Variants in PIK3CD observed in about 807,000 individuals in gnomAD.
PIK3CD encodes the protein phosphatidylinositol 4,5-bisphosphate 3-kinase catalytic subunit delta isoform.
PIK3CD carries 20 observed loss-of-function variants against 122.9 expected under a neutral mutation model. That is an observed-to-expected ratio of 0.16 (90% CI 0.11 to 0.24). The LOEUF (loss-of-function observed/expected upper bound fraction) is 0.24, where lower values mean the gene tolerates loss of function less well. PIK3CD is among the 10% of genes least tolerant of loss of function. The pLI is 1.00. For synonymous variants in PIK3CD, 596 were observed against 593.4 expected, an observed-to-expected ratio of 1.00 and a Z score of -0.06; for missense variants, 787 against 1,406.3, an observed-to-expected ratio of 0.56 and a Z score of 7.04.
rs1376073762 is a variant in PIK3CD, at chr1:9,716,360, G to A, written c.601-80G>A. On this transcript the variant is annotated intron_variant, in intron 5 of 23. Transcript: ENST00000377346. ...AACTCCCCAGACCCTACCCTTGGGG[G>A]CAAATAGGCAACCCTGCCCTGTGCC... 26 of 1,382,236 alleles carry A rather than the reference G, an allele frequency of 1.9e-5. 1 individual carries two copies. In the Admixed American group the frequency reaches 3.9e-4, roughly 21 times the overall value. 85.6% of individuals were successfully genotyped at this position (1,382,236 alleles called of 1,614,324 possible). A position where few individuals can be genotyped will look rare whatever the true frequency, so the allele number is the denominator to read the frequency against.
At position 9,710,386 on chromosome 1, in the gene PIK3CD, A is replaced by G; in HGVS notation, c.-32-38A>G. Reference sequence around the variant, plus strand: ...CCCTTCCAAAGGTCTCACCCAGCTCAGCTGAGGTAACTCATTTTGCCATTT... The same window carrying G: ...CCCTTCCAAAGGTCTCACCCAGCTCGGCTGAGGTAACTCATTTTGCCATTT... On this transcript the variant is annotated intron_variant, in intron 2 of 23. Coordinates refer to ENST00000377346, the MANE Select transcript of PIK3CD (RefSeq NM_005026.5). The surrounding 1 kb of genome is among the most constrained non-coding windows in gnomAD (Gnocchi z 4.7). 6.5e-7 allele frequency: 1 copy of G among 1,526,848 alleles called. No homozygotes were observed. The highest frequency in any genetic ancestry group is 9.1e-7 in the Non-Finnish European group (1 of 1,101,750). The allele number at this position is 1,526,848 out of a possible 1,614,324, so 94.6% of individuals were successfully genotyped here. A position where few individuals can be genotyped will look rare whatever the true frequency, so the allele number is the denominator to read the frequency against.
rs147609639 is a variant in PIK3CD, at chr1:9,709,184, C to T, written c.-32-1240C>T. ...AGCTGGGATTACAGGCATGTGCCAC[C>T]ATGCCCGGCTAATTTTTATATTTTT... On this transcript the variant is annotated intron_variant, in intron 2 of 23. Transcript: ENST00000377346. Among the ~76,000 whole-genome samples, 829 of 152,044 alleles carry T rather than the reference C, an allele frequency of 5.5e-3. 12 individuals are homozygous for T. The highest frequency in any genetic ancestry group is 0.019 in the African/African-American group (801 of 41,478).
chr1:9,689,854 A>C lies in PIK3CD; in HGVS notation c.-137-1613A>C, dbSNP rs1646131474. 6.9e-6 allele frequency among the ~76,000 whole-genome samples: 1 copy of C among 145,776 alleles called. No homozygotes were observed. Among genetic ancestry groups the C allele is most frequent in the Non-Finnish European group, 1.5e-5 (1 of 65,076 alleles). On this transcript the variant is annotated intron_variant, in intron 1 of 23. Coordinates refer to ENST00000377346, the MANE Select transcript of PIK3CD (RefSeq NM_005026.5). This position sits in a 1 kb window ranked among gnomAD's most constrained non-coding sequence, Gnocchi z 6.1. The stretch of plus-strand genomic sequence containing the variant: ...GTGGGCAGGGTCGGTGGAGGCGATC[A>C]GGGGTCCGGGGCCGTGGGGGCTTGG...
chr1:9,661,088 C>T (rs1321807580), intron 1 of PIK3CD, among the ~76,000 whole-genome samples: 3 of 152,068 alleles, frequency 2.0e-5, no homozygotes, highest in African/African-American at 7.2e-5. Flanking sequence ...GCATGCGCCA[C>T]CACGCCCAGA....
intron 2 of PIK3CD, among the ~76,000 whole-genome samples, chr1:9,693,433 A>T (rs1316666408): frequency 6.6e-6 from 1 of 151,160 alleles, no homozygotes. Context: ...TGGTTTTGCC[A>T]TGTTGGCCAG....
chr1:9,688,014 G>C (rs909006581), intron 1 of PIK3CD, among the ~76,000 whole-genome samples: 8 of 152,202 alleles, frequency 5.3e-5, no homozygotes. Context: ...AGGCCTGGCT[G>C]CGCGCGCCCT....
rs569389574 is a variant in PIK3CD at position 9,707,338 on chromosome 1, C to A, written c.-32-3086C>A. On this transcript the variant is annotated intron_variant, in intron 2 of 23. Transcript: ENST00000377346. ...TTGTGGTTTCTTTTTTTTTTTTTTT[C>A]CTTGAGTGTTACATTTTTCTTTTTT... Among the ~76,000 whole-genome samples the A allele has an allele frequency of 6.4e-3, 902 of 140,880 alleles. 13 individuals carry two copies. Among genetic ancestry groups the A allele is most frequent in the African/African-American group, 0.022 (855 of 38,144 alleles). The allele number at this position is 140,880 out of a possible 152,430, so 92.4% of individuals were successfully genotyped here.
intron 2 of PIK3CD, among the ~76,000 whole-genome samples, chr1:9,705,204 C>T (rs1557646382): frequency 1.3e-5 from 2 of 151,734 alleles, no homozygotes. Context: ...GGCATGATGG[C>T]TCATGCTTGT....
intron 1 of PIK3CD, among the ~76,000 whole-genome samples, chr1:9,655,851 T>C (rs907499087): frequency 2.0e-5 from 3 of 151,896 alleles, no homozygotes; most frequent in African/African-American, 7.3e-5. Context: ...TGTGCGCCAC[T>C]ATGGCCAGCT....
intron 2 of PIK3CD, among the ~76,000 whole-genome samples, chr1:9,693,848 T>C (rs1298531598): frequency 1.3e-5 from 2 of 151,906 alleles, no homozygotes; most frequent in African/African-American, 2.4e-5. Context: ...GAATGGGGGC[T>C]CTGGGGATGG....
Position 9,709,399 on chromosome 1 carries a change from G to A in PIK3CD, c.-32-1025G>A, listed in dbSNP as rs116126235. ...GACCAAAGCCATTTTTAAGCCTTTT[G>A]GTTTCTAGTCAGAAAGTTTCAGAGA... On this transcript the variant is annotated intron_variant, in intron 2 of 23. Coordinates refer to ENST00000377346, the MANE Select transcript of PIK3CD (RefSeq NM_005026.5). Among the ~76,000 whole-genome samples the A allele has an allele frequency of 4.8e-3, 730 of 151,368 alleles. 5 individuals are homozygous for A. Among genetic ancestry groups the A allele is most frequent in the African/African-American group, 0.016 (661 of 41,354 alleles).
chr1:9,672,752 T>C (rs1005178251), intron 1 of PIK3CD: 5 of 152,200 alleles, frequency 3.3e-5, no homozygotes, highest in African/African-American at 1.2e-4. Flanking sequence ...AATAGCACTT[T>C]TATCCAATGT....
chr1:9,692,840 C>T (rs1454137227), intron 2 of PIK3CD, among the ~76,000 whole-genome samples: 1 of 152,176 alleles, frequency 6.6e-6, no homozygotes, highest in Admixed American at 6.5e-5. Context: ...TTCTGCTCAG[C>T]ACCCTGTCCC....
At position 9,715,400 on chromosome 1, in the gene PIK3CD, G is replaced by T; in HGVS notation, c.142-141G>T. ...TGGTCAGCACCCAGGGGGCTGCAGA[G>T]AGTGCAGATCTTGGGGTCTGCCTCT... On this transcript the variant is annotated intron_variant, in intron 3 of 23. Transcript: ENST00000377346. The surrounding 1 kb of genome is among the most constrained non-coding windows in gnomAD (Gnocchi z 4.1). The T allele has an allele frequency of 4.3e-6, 3 of 699,644 alleles. No individual in the cohort carries two copies. The highest frequency in any genetic ancestry group is 5.0e-6 in the Non-Finnish European group (2 of 396,150). 43.3% of individuals were successfully genotyped at this position (699,644 alleles called of 1,614,324 possible). A position where few individuals can be genotyped will look rare whatever the true frequency, so the allele number is the denominator to read the frequency against.
chr1:9,658,902 T>C (rs1644935482), intron 1 of PIK3CD, among the ~76,000 whole-genome samples: 1 of 152,168 alleles, frequency 6.6e-6, no homozygotes, highest in African/African-American at 2.4e-5. Flanking sequence ...CAGCAATACC[T>C]ACCTGTTAGT....
intron 2 of PIK3CD, among the ~76,000 whole-genome samples, chr1:9,707,122 A>C (rs1001598581): frequency 4.0e-5 from 6 of 151,558 alleles, no homozygotes; most frequent in Non-Finnish European, 8.8e-5. Context: ...GCCTTTTCAC[A>C]CTTTTTAAAG....
At chr1:9,644,558 T>A in the PIK3CD span, among the ~76,000 whole-genome samples, 41 of 140,452 alleles carry the variant, frequency 2.9e-4, no homozygotes, top group South Asian at 2.6e-3. Flanking sequence ...TAAATAAATA[T>A]GTAACCTTCA....
chr1:9,705,429 T>C (rs1170765962), intron 2 of PIK3CD, among the ~76,000 whole-genome samples: 3 of 150,944 alleles, frequency 2.0e-5, no homozygotes, highest in Admixed American at 2.0e-4. Context: ...GCCTGGGAGG[T>C]TGAGGCTGCA....
chr1:9,696,330 G>A (rs1646415089), intron 2 of PIK3CD, among the ~76,000 whole-genome samples: 1 of 152,092 alleles, frequency 6.6e-6, no homozygotes, highest in South Asian at 2.1e-4. Flanking sequence ...GCTCGTGCCT[G>A]TAATCCCAAC....
Sources: allele counts gnomAD v4.1 joint callset (sites outside exome capture counted in the v4.1 genomes callset), GRCh38; gene constraint gnomAD v4.1.1; non-coding constraint Gnocchi (gnomAD v3.1); transcripts MANE v1.5; gene names NCBI Gene and HGNC (gene_info 2026-07-23, HGNC 2026-07-21).